CROCC: variants seen among roughly 807,000 people sequenced by gnomAD.
The protein encoded by CROCC is ciliary rootlet coiled-coil, rootletin, also known as rootletin.
A neutral mutation model predicts 245.2 loss-of-function variants in CROCC; 180 were observed. The observed-to-expected ratio is 0.73, with a 90% confidence interval of 0.65 to 0.83. The LOEUF (loss-of-function observed/expected upper bound fraction) is 0.83, where lower values mean the gene tolerates loss of function less well. Ranked by LOEUF, CROCC falls within the 40% of genes least tolerant of loss-of-function variation. CROCC has a pLI of 0.00. For missense variants in CROCC, 2,688 were observed against 2,779.4 expected, an observed-to-expected ratio of 0.97 and a Z score of 0.74; for synonymous variants, 1,205 against 1,241.6, an observed-to-expected ratio of 0.97 and a Z score of 0.62.
chr1:16,939,237 GC>G, intron 12 of CROCC, 95 bp downstream of exon 12: 1 of 1,088,036 alleles, frequency 9.2e-7, no homozygotes, highest in South Asian at 2.1e-5. Context: ...CAGGTCCGGG[GC>G]CAGGGTCCGA....
rs1269080322 is a variant in CROCC at position 16,924,311 on chromosome 1, C to A, written c.197-14C>A. 11 of 1,609,364 alleles carry A rather than the reference C, an allele frequency of 6.8e-6. No homozygotes were observed. Among genetic ancestry groups the A allele is most frequent in the Non-Finnish European group, 8.5e-6 (10 of 1,178,236 alleles). ...GACCCAGAAGCCAACCATGTGCCCA[C>A]TGTCCCTTGCCAGTCCTGCTGCCGG... On this transcript the variant is annotated splice_polypyrimidine_tract_variant and intron_variant, in intron 2 of 36. Coordinates refer to ENST00000375541, the MANE Select transcript of CROCC (RefSeq NM_014675.5).
At chr1:16,932,866 C>A (rs113257325) in intron 8 of CROCC, among the ~76,000 whole-genome samples, 1,394 of 151,656 alleles carry the variant, frequency 9.2e-3, no homozygotes, top group African/African-American at 0.032. Flanking sequence ...AGTTAGTAAT[C>A]TTTTCTTTTC....
intron 13 of CROCC, among the ~76,000 whole-genome samples, chr1:16,940,507 C>T (rs1186712283): frequency 2.0e-5 from 3 of 152,214 alleles, no homozygotes; most frequent in African/African-American, 7.2e-5. Flanking sequence ...TCACCTCAGC[C>T]TCTGAAGTAG....
At chr1:16,926,865 C>G (rs1442758661) in intron 3 of CROCC, among the ~76,000 whole-genome samples, 13 of 152,400 alleles carry the variant, frequency 8.5e-5, no homozygotes, top group Non-Finnish European at 1.9e-4. Context: ...TCATCTCTGG[C>G]TTAGTGGCAG....
intron 19 of CROCC, 119 bp downstream of exon 19, chr1:16,949,045 T>G (rs1053525442): frequency 2.2e-6 from 3 of 1,338,876 alleles, no homozygotes; most frequent in Non-Finnish European, 1.0e-6. Flanking sequence ...TGGCCTGGGT[T>G]CCAGTCCTGT....
At chr1:16,915,798 A>C (rs1253447648) in intron 1 of CROCC, among the ~76,000 whole-genome samples, 5 of 152,208 alleles carry the variant, frequency 3.3e-5, no homozygotes, top group Non-Finnish European at 7.3e-5. Flanking sequence ...CAGCTGTGCA[A>C]AAGAAGGGGG....
In CROCC at chr1:16,939,124, G is replaced by A. The variant is rs749944892; in HGVS notation, c.1590G>A (p.Lys530=). The A allele has an allele frequency of 2.0e-6, 3 of 1,530,214 alleles. No homozygotes were observed. In the Admixed American group the frequency reaches 6.7e-5, roughly 34 times the overall value. 94.8% of individuals were successfully genotyped at this position (1,530,214 alleles called of 1,614,324 possible). A position where few individuals can be genotyped will look rare whatever the true frequency, so the allele number is the denominator to read the frequency against. The change falls in exon 12 of 37, where the codon AAG becomes AAA. Residue 530 remains lysine, a synonymous_variant. Transcript: ENST00000375541. ...TLALIHSALH[K]RQLQVQDMRG... Reference sequence around the variant, plus strand: ...CCCTGATCCACTCCGCCCTGCACAAGCGCCAGCTGCAGGTCCAGGTAGGAA... The same window carrying A: ...CCCTGATCCACTCCGCCCTGCACAAACGCCAGCTGCAGGTCCAGGTAGGAA...
rs888893439 is a variant in CROCC at position 16,960,949 on chromosome 1, C to G, written c.4224C>G (p.Ala1408=). The G allele has an allele frequency of 2.1e-6, 3 of 1,411,576 alleles. No homozygotes were observed. The highest frequency in any genetic ancestry group is 2.7e-6 in the Non-Finnish European group (3 of 1,092,038). The allele number at this position is 1,411,576 out of a possible 1,614,324, so 87.4% of individuals were successfully genotyped here. A position where few individuals can be genotyped will look rare whatever the true frequency, so the allele number is the denominator to read the frequency against. The change falls in exon 27 of 37, where the codon GCC becomes GCG. Residue 1408 remains alanine, a synonymous_variant. Coordinates refer to ENST00000375541, the MANE Select transcript of CROCC (RefSeq NM_014675.5). The part of the protein sequence containing the change: ...AAELGLRLSA[A]EGRAQGLEAE... ...AGCTGGGCCTGCGGCTGAGCGCAGCCGAGGGCCGGGCACAAGGCCTGGAGG... is the reference window on the plus strand; with the variant it reads ...AGCTGGGCCTGCGGCTGAGCGCAGCGGAGGGCCGGGCACAAGGCCTGGAGG...
chr1:16,926,948 G>A (rs1170690377), intron 3 of CROCC, among the ~76,000 whole-genome samples: 1 of 152,272 alleles, frequency 6.6e-6, no homozygotes, highest in African/African-American at 2.4e-5. Context: ...GGAAAGGGGT[G>A]AGGTGTGGCC....
chr1:16,961,100 G>A lies in CROCC; in HGVS notation c.4375G>A (p.Gly1459Ser), dbSNP rs1401773257. The A allele has an allele frequency of 1.3e-5, 18 of 1,361,412 alleles. No homozygotes were observed. The highest frequency in any genetic ancestry group is 1.7e-5 in the South Asian group (1 of 58,432). The allele number at this position is 1,361,412 out of a possible 1,614,324, so 84.3% of individuals were successfully genotyped here. A position where few individuals can be genotyped will look rare whatever the true frequency, so the allele number is the denominator to read the frequency against. ...CAGCCCAGCCCCGCGGCCAGTGCCCGGTTCCCCTGCCCGGGACGCACCCGC... is the reference window on the plus strand; with the variant it reads ...CAGCCCAGCCCCGCGGCCAGTGCCCAGTTCCCCTGCCCGGGACGCACCCGC... ...APSPAPRPVP[G>S]SPARDAPAEG... The change falls in exon 27 of 37, where the codon GGT (glycine) becomes AGT (serine). Residue 1459 changes from glycine (G) to serine (S), a missense_variant. By Grantham distance (56) the Gly-to-Ser change is moderately conservative. Coordinates refer to ENST00000375541, the MANE Select transcript of CROCC (RefSeq NM_014675.5).
In CROCC at chr1:16,922,706, C is replaced by T. The variant is rs369089232; in HGVS notation, c.104C>T (p.Ala35Val). The T allele has an allele frequency of 1.2e-4, 192 of 1,613,660 alleles. No homozygotes were observed. The highest frequency in any genetic ancestry group is 5.0e-4 in the Middle Eastern group (3 of 6,060). ...CTGTGCCAGGAGAAAGGCTTGGGCG[C>T]GCGGGACCTGGCCCAGGACGCTCAG... ...SVLCQEKGLG[A>V]RDLAQDAQIT... The change falls in exon 2 of 37, where the codon GCG becomes GTG. Residue 35 changes from alanine (A) to valine (V), a missense_variant. Physicochemically the swap from Ala to Val is moderately conservative, Grantham distance 64. Around this residue, in one of 9 missense-constraint regions of CROCC, gnomAD observed 972 missense variants for 895.3 expected, o/e 1.09. Transcript: ENST00000375541.
At chr1:16,930,065 A>C (rs1287380016) in intron 4 of CROCC, 34 bp downstream of exon 4, 1 of 1,567,834 alleles carries the variant, frequency 6.4e-7, no homozygotes. Context: ...CTGTCCTCCC[A>C]CCTGTTCACT....
rs765672735 is a variant in CROCC at position 16,946,423 on chromosome 1, G to A, written c.2283+18G>A. ...TCGCCCAGGTACGCTGTGCACCTGC[G>A]GGCCCACCTGCCTTGCCCACCCATC... On this transcript the variant is annotated intron_variant, in intron 16 of 36. Transcript: ENST00000375541. The A allele has an allele frequency of 2.3e-5, 37 of 1,604,998 alleles. No homozygotes were observed. In the East Asian group the frequency reaches 2.5e-4, roughly 11 times the overall value.
chr1:16,966,824 T>A lies in CROCC; in HGVS notation c.4860+253T>A, dbSNP rs557262586. ...CCTGTAATCCTAGCACTTTGGGAGGTCGAGGCAGGTGGATCCCTTGAGCAC... is the reference window on the plus strand; with the variant it reads ...CCTGTAATCCTAGCACTTTGGGAGGACGAGGCAGGTGGATCCCTTGAGCAC... On this transcript the variant is annotated intron_variant, in intron 30 of 36. Transcript: ENST00000375541. The surrounding 1 kb of genome is among the most constrained non-coding windows in gnomAD (Gnocchi z 4.8). Among the ~76,000 whole-genome samples, 1 of 151,354 alleles carries A rather than the reference T, an allele frequency of 6.6e-6. No individual in the cohort carries two copies. The highest frequency in any genetic ancestry group is 2.0e-4 in the East Asian group (1 of 5,124).
chr1:16,914,594 G>A (rs2075284036), intron 1 of CROCC, among the ~76,000 whole-genome samples: 2 of 152,278 alleles, frequency 1.3e-5, no homozygotes, highest in Admixed American at 6.5e-5. Flanking sequence ...TTGTGCGGAT[G>A]GGGAAACTGA....
At chr1:16,952,125 A>C (rs1291396490) in intron 20 of CROCC, among the ~76,000 whole-genome samples, 1 of 151,080 alleles carries the variant, frequency 6.6e-6, no homozygotes, top group African/African-American at 2.4e-5. Flanking sequence ...TTGACCTCGT[A>C]ATCTGCCCAC....
At chr1:16,920,555 T>G (rs534047213), upstream of CROCC, among the ~76,000 whole-genome samples, 4 of 152,384 alleles carry the variant, frequency 2.6e-5, no homozygotes, top group African/African-American at 9.6e-5. Context: ...GTTCAAGGTC[T>G]TACTGTCTTG....
rs1221653677 is a variant in CROCC at position 16,954,378 on chromosome 1, G to A, written c.3321+21G>A. ...ACCGGGTAGGGCAGGCTGGGCAGCT[G>A]GGCCTCTGTCTCATAGAGAGGCACA... On this transcript the variant is annotated intron_variant, in intron 22 of 36. Coordinates refer to ENST00000375541, the MANE Select transcript of CROCC (RefSeq NM_014675.5). This position sits in a 1 kb window ranked among gnomAD's most constrained non-coding sequence, Gnocchi z 4.4. 6 of 1,604,254 alleles carry A rather than the reference G, an allele frequency of 3.7e-6. No homozygotes were observed. Among genetic ancestry groups the A allele is most frequent in the Middle Eastern group, 2.0e-4 (1 of 5,042 alleles).
In CROCC at chr1:16,946,746, C is replaced by A. The variant is rs1486840615; in HGVS notation, c.2284-15C>A. 1.3e-6 allele frequency: 2 copies of A among 1,550,528 alleles called. No individual in the cohort carries two copies. The highest frequency in any genetic ancestry group is 1.7e-6 in the Non-Finnish European group (2 of 1,146,476). On this transcript the variant is annotated splice_polypyrimidine_tract_variant and intron_variant, in intron 16 of 36. Transcript: ENST00000375541. ...ACGCCCTGCTCACGAGGCCCCACTCCTACCTGGCCTCCAGCTGGAGGAAGA... is the reference window on the plus strand; with the variant it reads ...ACGCCCTGCTCACGAGGCCCCACTCATACCTGGCCTCCAGCTGGAGGAAGA...
Sources: allele counts gnomAD v4.1 joint callset (sites outside exome capture counted in the v4.1 genomes callset), GRCh38; gene constraint gnomAD v4.1.1; regional missense constraint gnomAD v4.1.1; non-coding constraint Gnocchi (gnomAD v3.1); transcripts MANE v1.5; gene names NCBI Gene and HGNC (gene_info 2026-07-23, HGNC 2026-07-21).